EBF2: variants seen among roughly 807,000 people sequenced by gnomAD.
EBF2 encodes the protein transcription factor COE2.
A neutral mutation model predicts 72.8 loss-of-function variants in EBF2; 21 were observed. That is an observed-to-expected ratio of 0.29 (90% CI 0.20 to 0.42). The LOEUF is 0.42. Ranked by LOEUF, EBF2 falls within the 10% of genes least tolerant of loss-of-function variation. The pLI is 1.00. For synonymous variants in EBF2, 299 were observed against 274.2 expected (o/e 1.09, Z -0.89); for missense variants, 637 against 731.2 (o/e 0.87, Z 1.49).
At chr8:26,036,065 T>C (rs915631458) in intron 5 of EBF2, among the ~76,000 whole-genome samples, 1 of 152,198 alleles carries the variant, frequency 6.6e-6, no homozygotes, top group Non-Finnish European at 1.5e-5. Flanking sequence ...CATGTCAACC[T>C]AACCCCAAAT....
At chr8:25,928,196 G>A (rs1376544867) in intron 6 of EBF2, among the ~76,000 whole-genome samples, 1 of 152,182 alleles carries the variant, frequency 6.6e-6, no homozygotes, top group Non-Finnish European at 1.5e-5. Flanking sequence ...TACAGCTAGT[G>A]TGGATTCCTG....
At position 25,978,690 on chromosome 8, in the gene EBF2, C is replaced by T. The variant is rs1031385686; in HGVS notation, c.551+54395G>A. On this transcript the variant is annotated intron_variant, in intron 6 of 15. Coordinates refer to ENST00000520164, the MANE Select transcript of EBF2 (RefSeq NM_022659.4). ...GGGACCCCCACAACACTCAACCCCG[C>T]CATGGCATGTGCTTTGCCCAAGGAA... 2.6e-5 allele frequency among the ~76,000 whole-genome samples: 4 copies of T among 152,192 alleles called. No homozygotes were observed. The East Asian group carries it at 5.8e-4, about 22-fold the overall frequency.
At chr8:25,937,909 A>G (rs550485111) in intron 6 of EBF2, among the ~76,000 whole-genome samples, 15 of 152,168 alleles carry the variant, frequency 9.9e-5, no homozygotes, top group Admixed American at 2.0e-4. Context: ...GGGCTCCCCA[A>G]ATTTTCCACC....
intron 6 of EBF2, among the ~76,000 whole-genome samples, chr8:26,014,832 G>A (rs867330395): frequency 1.3e-5 from 2 of 152,158 alleles, no homozygotes; most frequent in South Asian, 4.1e-4. Context: ...TCTGAATGAA[G>A]AAGAAAAACA....
intron 7 of EBF2, among the ~76,000 whole-genome samples, chr8:25,895,746 A>AC (rs1802855113): frequency 6.6e-6 from 1 of 152,228 alleles, no homozygotes; most frequent in Admixed American, 6.5e-5. Flanking sequence ...CTTCAGGTGG[A>AC]CACATCCGTT....
chr8:25,949,507 C>T (rs1585205458), intron 6 of EBF2, among the ~76,000 whole-genome samples: 2 of 152,122 alleles, frequency 1.3e-5, no homozygotes, highest in Non-Finnish European at 2.9e-5. Context: ...ATAAAACATC[C>T]TTTCTACCAA....
intron 10 of EBF2, among the ~76,000 whole-genome samples, chr8:25,884,798 A>C (rs988049837): frequency 6.6e-6 from 1 of 152,196 alleles, no homozygotes; most frequent in Non-Finnish European, 1.5e-5. Context: ...TGCTTATCTC[A>C]GGACAGAAAA....
chr8:25,936,137 T>C (rs760590916), intron 6 of EBF2, among the ~76,000 whole-genome samples: 1 of 152,162 alleles, frequency 6.6e-6, no homozygotes, highest in Non-Finnish European at 1.5e-5. Context: ...CAAAACAGGC[T>C]AATTCACCAC....
Position 25,893,959 on chromosome 8 carries a change from C to A in EBF2, c.634-4090G>T, listed in dbSNP as rs114983623. On this transcript the variant is annotated intron_variant, in intron 7 of 15. Coordinates refer to ENST00000520164, the MANE Select transcript of EBF2 (RefSeq NM_022659.4). Reference sequence around the variant, plus strand: ...GAATTAACCTGAATTATGTCAGTGTCCATAAAATTTATTACAAGATTTTAA... The same window carrying A: ...GAATTAACCTGAATTATGTCAGTGTACATAAAATTTATTACAAGATTTTAA... Among the ~76,000 whole-genome samples the A allele has an allele frequency of 8.6e-3, 1,304 of 152,252 alleles. 21 individuals are homozygous for A. The highest frequency in any genetic ancestry group is 0.03 in the African/African-American group (1,245 of 41,542).
intron 5 of EBF2, among the ~76,000 whole-genome samples, chr8:26,036,720 T>C (rs970280099): frequency 1.3e-5 from 2 of 152,152 alleles, no homozygotes; most frequent in African/African-American, 4.8e-5. Context: ...ACCAGGTCCC[T>C]GAATTACTCA....
intron 6 of EBF2, among the ~76,000 whole-genome samples, chr8:25,994,307 G>A (rs1804588986): frequency 6.6e-6 from 1 of 152,154 alleles, no homozygotes; most frequent in South Asian, 2.1e-4. Context: ...GGCAACAGAA[G>A]AAAAGAATAG....
chr8:26,029,409 T>C (rs1805356545), intron 6 of EBF2, among the ~76,000 whole-genome samples: 1 of 152,204 alleles, frequency 6.6e-6, no homozygotes, highest in Non-Finnish European at 1.5e-5. Flanking sequence ...TATACGTTTT[T>C]GATTAATAAA....
chr8:25,932,045 C>T lies in EBF2; in HGVS notation c.552-23490G>A, dbSNP rs183635866. Among the ~76,000 whole-genome samples, 278 of 152,186 alleles carry T rather than the reference C, an allele frequency of 1.8e-3. 1 individual carries two copies. The highest frequency in any genetic ancestry group is 6.2e-3 in the African/African-American group (258 of 41,528). On this transcript the variant is annotated intron_variant, in intron 6 of 15. Transcript: ENST00000520164. ...GAAACAAGGGATCTGGGTGAGGCTT[C>T]CCTGCTCTGTCTTCTGCCATATTGA...
At chr8:25,878,949 T>A (rs1259990121) in intron 10 of EBF2, among the ~76,000 whole-genome samples, 1 of 152,224 alleles carries the variant, frequency 6.6e-6, no homozygotes, top group East Asian at 1.9e-4. Flanking sequence ...GTGCACTGTT[T>A]CAGTATTTAA....
At chr8:26,041,887 G>A (rs554449222) in intron 2 of EBF2, among the ~76,000 whole-genome samples, 2 of 152,220 alleles carry the variant, frequency 1.3e-5, no homozygotes, top group African/African-American at 4.8e-5. Context: ...GCAGAGCCGG[G>A]AGCGCTCCTC....
At chr8:25,959,007 C>T (rs1450148251) in intron 6 of EBF2, among the ~76,000 whole-genome samples, 1 of 152,182 alleles carries the variant, frequency 6.6e-6, no homozygotes, top group Admixed American at 6.5e-5. Flanking sequence ...CTTTGGGAAC[C>T]TCATAAGGTT....
At chr8:26,028,754 C>T (rs564910144) in intron 6 of EBF2, among the ~76,000 whole-genome samples, 31 of 152,232 alleles carry the variant, frequency 2.0e-4, no homozygotes, top group Non-Finnish European at 4.0e-4. Context: ...ATTTACCACA[C>T]AGGCCTTTAT....
chr8:25,855,296 T>C (rs4524799), intron 14 of EBF2, among the ~76,000 whole-genome samples: 81,967 of 152,004 alleles, frequency 0.54, 25,216 homozygotes, highest in African/African-American at 0.85. Flanking sequence ...TTCATTATAA[T>C]CCCCTATTGT....
At position 25,943,019 on chromosome 8, in the gene EBF2, C is replaced by T. The variant is rs563752051; in HGVS notation, c.552-34464G>A. Among the ~76,000 whole-genome samples the T allele has an allele frequency of 2.6e-5, 4 of 152,212 alleles. No individual in the cohort carries two copies. The East Asian group carries it at 5.8e-4, about 22-fold the overall frequency. On this transcript the variant is annotated intron_variant, in intron 6 of 15. Transcript: ENST00000520164. The stretch of plus-strand genomic sequence containing the variant: ...GTGAAAACTAGAGCTTATTCTAATG[C>T]GAAAGTTCCCAGGGCTCTTCTCCCT...
Sources: allele counts gnomAD v4.1 joint callset (sites outside exome capture counted in the v4.1 genomes callset), GRCh38; gene constraint gnomAD v4.1.1; transcripts MANE v1.5; gene names NCBI Gene and HGNC (gene_info 2026-07-23, HGNC 2026-07-21).